TEK: variants seen among roughly 807,000 people sequenced by gnomAD.
TEK encodes TEK receptor tyrosine kinase.
Under a neutral mutation model 131.8 loss-of-function variants are expected in TEK, and 43 were observed. That is an observed-to-expected ratio of 0.33 (90% CI 0.26 to 0.42). TEK has a LOEUF of 0.42. TEK is among the 10% of genes least tolerant of loss of function. TEK has a pLI of 1.00. For synonymous variants in TEK, 580 were observed against 491.6 expected, an observed-to-expected ratio of 1.18 and a Z score of -2.38; for missense variants, 1,162 against 1,384.4, an observed-to-expected ratio of 0.84 and a Z score of 2.55.
intron 2 of TEK, among the ~76,000 whole-genome samples, chr9:27,167,844 A>G (rs1823789339): frequency 6.6e-6 from 1 of 150,826 alleles, no homozygotes; most frequent in South Asian, 2.1e-4. Context: ...CTTTGGGGAA[A>G]CTCAGATTTC....
intron 1 of TEK, among the ~76,000 whole-genome samples, chr9:27,154,137 C>T (rs930744158): frequency 3.3e-5 from 5 of 151,988 alleles, no homozygotes; most frequent in Admixed American, 1.3e-4. Flanking sequence ...CCATTTTTTT[C>T]TCTCTCTCTT....
chr9:27,162,440 T>TG (rs1296099898), intron 2 of TEK, among the ~76,000 whole-genome samples: 1 of 152,204 alleles, frequency 6.6e-6, no homozygotes, highest in African/African-American at 2.4e-5. Context: ...TGATTTCATT[T>TG]GGGGGTAGGA....
rs891549416 is a variant in TEK at position 27,213,703 on chromosome 9, A to C, written c.2991+106A>C. 4.8e-6 allele frequency: 4 copies of C among 838,756 alleles called. No homozygotes were observed. In the African/African-American group the frequency reaches 6.7e-5, roughly 14 times the overall value. The allele number at this position is 838,756 out of a possible 1,614,324, so 52.0% of individuals were successfully genotyped here. On this transcript the variant is annotated intron_variant, in intron 18 of 22. Transcript: ENST00000380036. ...TGCTCTGTGGTGACTGAAGCATCTGACTGTATGTCCCAGTAGATACTGTGT... is the reference window on the plus strand; with the variant it reads ...TGCTCTGTGGTGACTGAAGCATCTGCCTGTATGTCCCAGTAGATACTGTGT...
rs910304635 is a variant in TEK, at chr9:27,120,813, G to T, written c.52+11171G>T. On this transcript the variant is annotated intron_variant, in intron 1 of 22. Transcript: ENST00000380036. ...GAAGTGGCCCTTGCAGGAGCAGCCA[G>T]GGCAAAAGCTGGGATGAGGAGGGTT... is the stretch of plus-strand genomic sequence containing the variant. Among the ~76,000 whole-genome samples the T allele has an allele frequency of 3.9e-5, 6 of 152,244 alleles. 1 individual carries two copies. The highest frequency in any genetic ancestry group is 5.9e-5 in the Non-Finnish European group (4 of 68,044).
chr9:27,207,143 G>A (rs1341566732), intron 15 of TEK, among the ~76,000 whole-genome samples: 1 of 152,192 alleles, frequency 6.6e-6, no homozygotes, highest in Non-Finnish European at 1.5e-5. Flanking sequence ...TTAAAAACAG[G>A]CTGTTGGGCC....
intron 1 of TEK, among the ~76,000 whole-genome samples, chr9:27,137,529 C>G (rs1046218532): frequency 1.3e-5 from 2 of 152,032 alleles, no homozygotes; most frequent in Non-Finnish European, 2.9e-5. Context: ...CCAGCTGGCC[C>G]TATGGATTTT....
intron 15 of TEK, 129 bp from the exon 16 acceptor site, chr9:27,208,992 G>T: frequency 1.4e-6 from 1 of 710,214 alleles, no homozygotes; most frequent in Non-Finnish European, 2.6e-6. Context: ...CTACTTTAGA[G>T]TAATCTCTTT....
chr9:27,136,747 C>G (rs1434288872), intron 1 of TEK, among the ~76,000 whole-genome samples: 1 of 152,162 alleles, frequency 6.6e-6, no homozygotes, highest in Non-Finnish European at 1.5e-5. Context: ...CAGCTGCATA[C>G]TGTATTGCTT....
At chr9:27,161,254 A>T (rs1823537460) in intron 2 of TEK, among the ~76,000 whole-genome samples, 1 of 152,226 alleles carries the variant, frequency 6.6e-6, no homozygotes, top group Non-Finnish European at 1.5e-5. Context: ...TGGCTTTTAG[A>T]ATTATGCTCA....
At chr9:27,226,555 G>A (rs1826334885) in intron 21 of TEK, among the ~76,000 whole-genome samples, 1 of 151,994 alleles carries the variant, frequency 6.6e-6, no homozygotes, top group African/African-American at 2.4e-5. Context: ...CACAGGGAGG[G>A]GAATATCACA....
Position 27,229,161 on chromosome 9 carries a change from T to C in TEK, c.3304T>C (p.Tyr1102His), listed in dbSNP as rs1252785127. Residue 1102 changes from tyrosine (Y) to histidine (H), a missense_variant, in exon 23 of 23, where the codon TAC (tyrosine) becomes CAC (histidine). Coordinates refer to ENST00000380036, the MANE Select transcript of TEK (RefSeq NM_000459.5). ...LNRMLEERKT[Y>H]VNTTLYEKFT... is the part of the protein sequence containing the mutation. ...TGAACCATTTTCATTCTTCCAGACC[T>C]ACGTGAATACCACGCTTTATGAGAA... is the stretch of plus-strand genomic sequence containing the variant. The C allele has an allele frequency of 6.2e-7, 1 of 1,613,752 alleles. No homozygotes were observed. Among genetic ancestry groups the C allele is most frequent in the Admixed American group, 1.7e-5 (1 of 60,002 alleles).
intron 7 of TEK, among the ~76,000 whole-genome samples, 177 bp from the exon 8 acceptor site, chr9:27,183,282 A>G (rs918392919): frequency 2.0e-5 from 3 of 152,170 alleles, no homozygotes; most frequent in Admixed American, 6.5e-5. Flanking sequence ...CCTCATCCAT[A>G]AAATGGGAGA....
intron 1 of TEK, among the ~76,000 whole-genome samples, chr9:27,142,370 T>C (rs576583716): frequency 1.1e-4 from 17 of 152,334 alleles, no homozygotes; most frequent in African/African-American, 1.7e-4. Flanking sequence ...CAGCAGGCAC[T>C]TTCATAACAT....
At chr9:27,213,330 T>A (rs1225908343) in intron 17 of TEK, among the ~76,000 whole-genome samples, 154 bp from the exon 18 acceptor site, 1 of 152,170 alleles carries the variant, frequency 6.6e-6, no homozygotes, top group Non-Finnish European at 1.5e-5. Flanking sequence ...GCAGAATCCA[T>A]TACCAGGGAA....
intron 1 of TEK, among the ~76,000 whole-genome samples, chr9:27,118,265 C>CT (rs1446494633): frequency 2.6e-5 from 4 of 152,112 alleles, no homozygotes; most frequent in African/African-American, 9.7e-5. Context: ...CAACTTTACA[C>CT]TATAGGTATT....
chr9:27,160,483 G>T (rs1356048913), intron 2 of TEK, among the ~76,000 whole-genome samples: 2 of 152,076 alleles, frequency 1.3e-5, no homozygotes, highest in African/African-American at 4.8e-5. Context: ...TAAACATGCA[G>T]ACTCTGATTT....
At chr9:27,147,948 G>C (rs1011225774) in intron 1 of TEK, among the ~76,000 whole-genome samples, 1 of 152,172 alleles carries the variant, frequency 6.6e-6, no homozygotes, top group African/African-American at 2.4e-5. Context: ...CTACAAATTA[G>C]CTGTGTAACA....
intron 19 of TEK, 111 bp from the exon 20 acceptor site, chr9:27,218,666 A>ATTTAACATCTCCT: frequency 9.0e-7 from 1 of 1,110,446 alleles, no homozygotes; most frequent in East Asian, 2.4e-5. Flanking sequence ...GGATGTAGAC[A>ATTTAACATCTCCT]TTTAACATCT....
intron 1 of TEK, among the ~76,000 whole-genome samples, chr9:27,113,232 G>A (rs1821415141): frequency 1.3e-5 from 2 of 152,132 alleles, no homozygotes; most frequent in African/African-American, 4.8e-5. Flanking sequence ...CATTTTCCAG[G>A]GTTGTGATGA....
Sources: gnomAD v4.1 joint callset for allele counts (sites outside exome capture counted in the v4.1 genomes callset) on GRCh38, gnomAD v4.1.1 for gene constraint, MANE v1.5 for transcripts, NCBI Gene and HGNC (gene_info 2026-07-23, HGNC 2026-07-21) for gene names.